Variants in SAMD4A observed in about 807,000 individuals in gnomAD.
SAMD4A encodes sterile alpha motif domain containing 4A, also known as protein Smaug homolog 1.
SAMD4A carries 33 observed loss-of-function variants against 81.3 expected under a neutral mutation model. The observed-to-expected ratio is 0.41, with a 90% CI of 0.31 to 0.54. SAMD4A has a LOEUF of 0.54. SAMD4A is among the 20% of genes least tolerant of loss of function. The pLI, the probability that SAMD4A is intolerant of heterozygous loss-of-function variation, is 0.37. For missense variants in SAMD4A, 854 were observed against 951.1 expected (o/e 0.90, Z 1.34); for synonymous variants, 389 against 382.1 (o/e 1.02, Z -0.21).
chr14:54,734,876 T>C (rs2037652469), intron 3 of SAMD4A: 1 of 152,260 alleles, frequency 6.6e-6, no homozygotes, highest in Non-Finnish European at 1.5e-5. Context: ...GCCCAGGTAC[T>C]AAGAGTCCCA....
intron 11 of SAMD4A, among the ~76,000 whole-genome samples, chr14:54,777,171 C>CAATT (rs1383238399): frequency 2.5e-4 from 38 of 152,212 alleles, no homozygotes; most frequent in African/African-American, 9.2e-4. Context: ...GCCACACAGG[C>CAATT]AATTACACTG....
intron 3 of SAMD4A, among the ~76,000 whole-genome samples, chr14:54,704,676 T>C (rs1031982523): frequency 6.6e-6 from 1 of 152,150 alleles, no homozygotes; most frequent in Non-Finnish European, 1.5e-5. Flanking sequence ...CTGACATACC[T>C]CTGGAAGAAG....
intron 2 of SAMD4A, among the ~76,000 whole-genome samples, chr14:54,653,969 C>T (rs1039587914): frequency 3.3e-5 from 5 of 152,150 alleles, no homozygotes; most frequent in African/African-American, 4.8e-5. Flanking sequence ...AAATACCATT[C>T]GGTATGAAAG....
At chr14:54,675,264 G>A (rs1396654033) in intron 2 of SAMD4A, among the ~76,000 whole-genome samples, 1 of 151,028 alleles carries the variant, frequency 6.6e-6, no homozygotes, top group Non-Finnish European at 1.5e-5. Flanking sequence ...TACTCAGGAG[G>A]CTGAGGCAGG....
At chr14:54,666,976 A>G (rs2035771981) in intron 2 of SAMD4A, among the ~76,000 whole-genome samples, 1 of 152,222 alleles carries the variant, frequency 6.6e-6, no homozygotes, top group Non-Finnish European at 1.5e-5. Flanking sequence ...CTTGAGCAGA[A>G]TGACAATATT....
chr14:54,766,545 A>C (rs560659520), intron 8 of SAMD4A, among the ~76,000 whole-genome samples: 1 of 152,284 alleles, frequency 6.6e-6, no homozygotes, highest in Non-Finnish European at 1.5e-5. Flanking sequence ...CTGAGACCTG[A>C]AAGGCAAGCG....
chr14:54,626,360 A>C (rs904281239), intron 2 of SAMD4A, among the ~76,000 whole-genome samples: 2 of 152,162 alleles, frequency 1.3e-5, no homozygotes, highest in African/African-American at 4.8e-5. Context: ...ATTTAGTGAT[A>C]ATGCTGTGAA....
In SAMD4A at chr14:54,782,364, T is replaced by C. The variant is rs773992955; in HGVS notation, c.2045-2173T>C. On this transcript the variant is annotated intron_variant, in intron 11 of 12. Coordinates refer to ENST00000554335, the MANE Select transcript of SAMD4A (RefSeq NM_015589.6). The stretch of plus-strand genomic sequence containing the variant: ...TTTTTTCATATTTGCTAACTCGCTA[T>C]ATATAAAATTGTGTTTCTATTTTAT... 8.2e-4 allele frequency among the ~76,000 whole-genome samples: 124 copies of C among 152,142 alleles called. 2 individuals carry two copies. The highest frequency in any genetic ancestry group is 1.8e-4 in the Non-Finnish European group (12 of 68,028).
chr14:54,787,190 G>A (rs2039163130), intron 12 of SAMD4A, among the ~76,000 whole-genome samples: 1 of 152,176 alleles, frequency 6.6e-6, no homozygotes, highest in African/African-American at 2.4e-5. Context: ...AGAAAGAGAG[G>A]CTCACATCTG....
rs138791301 is a variant in SAMD4A, at chr14:54,755,669, G to A, written c.1176+4132G>A. Reference sequence around the variant, plus strand: ...GATAGGAGTTTTAGGGGAATGGGAGGAAACAGAAGCAGAAGCCTGTAAACC... The same window carrying A: ...GATAGGAGTTTTAGGGGAATGGGAGAAAACAGAAGCAGAAGCCTGTAAACC... On this transcript the variant is annotated intron_variant, in intron 6 of 12. Transcript: ENST00000554335. 2.8e-3 allele frequency among the ~76,000 whole-genome samples: 429 copies of A among 152,282 alleles called. 1 individual carries two copies. The highest frequency in any genetic ancestry group is 0.01 in the African/African-American group (419 of 41,540).
At position 54,778,404 on chromosome 14, in the gene SAMD4A, A is replaced by C. The variant is rs1050459159; in HGVS notation, c.2044+1864A>C. On this transcript the variant is annotated intron_variant, in intron 11 of 12. Coordinates refer to ENST00000554335, the MANE Select transcript of SAMD4A (RefSeq NM_015589.6). ...TGGCTTGTGCTCAGGGCAACTATGA[A>C]CCTAATATCATTTTCACTCTTCATG... Among the ~76,000 whole-genome samples the C allele has an allele frequency of 1.1e-4, 16 of 152,276 alleles. No individual in the cohort carries two copies. The East Asian group carries it at 2.7e-3, about 26-fold the overall frequency.
At chr14:54,701,557 AT>A (rs1433109414) in intron 2 of SAMD4A, among the ~76,000 whole-genome samples, 1 of 152,114 alleles carries the variant, frequency 6.6e-6, no homozygotes, top group Non-Finnish European at 1.5e-5. Flanking sequence ...TCCCTGACAA[AT>A]TTCTCCATCT....
At chr14:54,688,948 T>TTTTTTTTTA (rs2036355905) in intron 2 of SAMD4A, among the ~76,000 whole-genome samples, 1 of 147,950 alleles carries the variant, frequency 6.8e-6, no homozygotes, top group African/African-American at 2.5e-5. Context: ...TTTTTTTTTT[T>TTTTTTTTTA]GAGGCGGAGT....
At chr14:54,750,055 C>A in intron 5 of SAMD4A, among the ~76,000 whole-genome samples, 1 of 152,114 alleles carries the variant, frequency 6.6e-6, no homozygotes, top group East Asian at 1.9e-4. Flanking sequence ...CTTTTTGGAT[C>A]TTGATTGCTC....
At chr14:54,757,697 C>G (rs1207923104) in intron 6 of SAMD4A, among the ~76,000 whole-genome samples, 1 of 152,172 alleles carries the variant, frequency 6.6e-6, no homozygotes, top group Non-Finnish European at 1.5e-5. Flanking sequence ...CCCAGCGTGG[C>G]TTTCCTAGCC....
At chr14:54,582,110 A>G (rs566373848) in intron 2 of SAMD4A, among the ~76,000 whole-genome samples, 103 of 152,340 alleles carry the variant, frequency 6.8e-4, no homozygotes, top group African/African-American at 2.4e-3. Context: ...ATTCTGAGCT[A>G]TAATGTCAAA....
chr14:54,585,737 C>T (rs546814886), intron 2 of SAMD4A, among the ~76,000 whole-genome samples: 1 of 152,240 alleles, frequency 6.6e-6, no homozygotes, highest in East Asian at 1.9e-4. Context: ...TAATAGTCTC[C>T]AGTTCCATCC....
chr14:54,739,036 G>A (rs1246881161), intron 4 of SAMD4A, among the ~76,000 whole-genome samples: 2 of 94,262 alleles, frequency 2.1e-5, no homozygotes, highest in African/African-American at 9.7e-5. Context: ...CTTTTACTTT[G>A]TTTTCTTTCT....
rs2039281305 is a variant in SAMD4A, at chr14:54,792,788, T to A, written c.*3844T>A. ...TAATTCCTTTATCTTTACTTAAAGGTGAATGTGTATTCCTCTGGGAGGAAT... is the reference window on the plus strand; with the variant it reads ...TAATTCCTTTATCTTTACTTAAAGGAGAATGTGTATTCCTCTGGGAGGAAT... On this transcript the variant is annotated 3_prime_UTR_variant, in exon 13 of 13. Transcript: ENST00000554335. 6.6e-6 allele frequency: 1 copy of A among 151,844 alleles called. No individual in the cohort carries two copies. The highest frequency in any genetic ancestry group is 2.4e-5 in the African/African-American group (1 of 41,296). 9.4% of individuals were successfully genotyped at this position (151,844 alleles called of 1,614,324 possible). A position where few individuals can be genotyped will look rare whatever the true frequency, so the allele number is the denominator to read the frequency against.
Sources: gnomAD v4.1 joint callset for allele counts (sites outside exome capture counted in the v4.1 genomes callset) on GRCh38, gnomAD v4.1.1 for gene constraint, MANE v1.5 for transcripts, NCBI Gene and HGNC (gene_info 2026-07-23, HGNC 2026-07-21) for gene names.